The following EFCAB6 variants were observed in gnomAD, a reference collection of about 807,000 sequenced individuals.
EFCAB6 encodes the protein EF-hand calcium-binding domain-containing protein 6.
EFCAB6 carries 156 observed loss-of-function variants against 169.8 expected under a neutral mutation model. The ratio of observed to expected loss-of-function variants is 0.92; its 90% CI spans 0.81 to 1.05. The LOEUF (loss-of-function observed/expected upper bound fraction) is 1.05, where lower values mean the gene tolerates loss of function less well. Ranked by LOEUF, EFCAB6 falls within the 50% of genes least tolerant of loss-of-function variation. The pLI, the probability that EFCAB6 is intolerant of heterozygous loss-of-function variation, is 0.00. For synonymous variants in EFCAB6, 698 were observed against 676.4 expected (o/e 1.03, Z -0.50); for missense variants, 1,800 against 1,829.1 (o/e 0.98, Z 0.29).
intron 13 of EFCAB6, among the ~76,000 whole-genome samples, chr22:43,673,984 G>C (rs1260691861): frequency 6.8e-6 from 1 of 146,708 alleles, no homozygotes; most frequent in Admixed American, 6.8e-5. Context: ...AAAAAAAAAA[G>C]TCATTGTATG....
At chr22:43,637,136 C>A (rs1279941192) in intron 17 of EFCAB6, among the ~76,000 whole-genome samples, 1 of 152,204 alleles carries the variant, frequency 6.6e-6, no homozygotes, top group East Asian at 1.9e-4. Context: ...CTCTAAGGAG[C>A]TGCCCTGAGC....
chr22:43,537,753 A>G lies in EFCAB6; in HGVS notation c.3880-208T>C, dbSNP rs2047465059. Reference sequence around the variant, plus strand: ...CTATATGTACTTATGCCAAGCCATAATAACCAAAATAATTTTGGAAATAGC... The same window carrying G: ...CTATATGTACTTATGCCAAGCCATAGTAACCAAAATAATTTTGGAAATAGC... On this transcript the variant is annotated intron_variant, in intron 28 of 31. Transcript: ENST00000262726. The surrounding 1 kb of genome is among the most constrained non-coding windows in gnomAD (Gnocchi z 4.3). Among the ~76,000 whole-genome samples the G allele has an allele frequency of 6.6e-6, 1 of 152,206 alleles. No individual in the cohort carries two copies. The highest frequency in any genetic ancestry group is 1.5e-5 in the Non-Finnish European group (1 of 68,032).
chr22:43,784,600 CACATATATATGTGTATATAT>C (rs2061978710), intron 2 of EFCAB6, among the ~76,000 whole-genome samples: 1 of 78,746 alleles, frequency 1.3e-5, no homozygotes, highest in African/African-American at 5.4e-5. Context: ...TGTATATATA[CACATATATATGTGTATATAT>C]ACACATATAT....
chr22:43,798,894 CATGTGCACTCTTG>C (rs1212075620), intron 2 of EFCAB6, among the ~76,000 whole-genome samples: 1 of 152,208 alleles, frequency 6.6e-6, no homozygotes, highest in Non-Finnish European at 1.5e-5. Flanking sequence ...CTGTCCAGTT[CATGTGCACTCTTG>C]AGATTACAGA....
intron 3 of EFCAB6, among the ~76,000 whole-genome samples, chr22:43,775,654 G>A (rs572026029): frequency 2.6e-5 from 4 of 152,318 alleles, no homozygotes; most frequent in East Asian, 3.9e-4. Context: ...ATGCTGGCCA[G>A]GCTGGTCTCG....
chr22:43,647,046 G>T (rs183101587), intron 17 of EFCAB6, among the ~76,000 whole-genome samples: 3 of 152,170 alleles, frequency 2.0e-5, no homozygotes, highest in East Asian at 1.9e-4. Flanking sequence ...TGTTGTTAGT[G>T]GGGGAGGCTG....
At chr22:43,603,719 G>A (rs533350857) in intron 22 of EFCAB6, among the ~76,000 whole-genome samples, 216 of 152,388 alleles carry the variant, frequency 1.4e-3, no homozygotes, top group African/African-American at 5.0e-3. Flanking sequence ...AGGCCAGGCA[G>A]CAGAGGCAGA....
intron 5 of EFCAB6, among the ~76,000 whole-genome samples, chr22:43,763,510 C>T (rs1429537907): frequency 6.6e-6 from 1 of 152,188 alleles, no homozygotes; most frequent in East Asian, 1.9e-4. Flanking sequence ...ATCTCCCCCT[C>T]CCCACGACAC....
chr22:43,571,998 G>T (rs1363693728), intron 26 of EFCAB6, among the ~76,000 whole-genome samples: 1 of 152,146 alleles, frequency 6.6e-6, no homozygotes, highest in Non-Finnish European at 1.5e-5. Flanking sequence ...CAATTTAGGG[G>T]GTTGATCCCA....
At chr22:43,591,111 GTTTTTTTTTTTTGTT>G (rs2051496300) in intron 23 of EFCAB6, among the ~76,000 whole-genome samples, 1 of 131,092 alleles carries the variant, frequency 7.6e-6, no homozygotes, top group African/African-American at 2.7e-5. Flanking sequence ...TTTGTTTTTT[GTTTTTTTTTTTTGTT>G]TTTTTTTTGT....
At chr22:43,599,558 G>A in intron 23 of EFCAB6, among the ~76,000 whole-genome samples, 1 of 128,952 alleles carries the variant, frequency 7.8e-6, no homozygotes. Flanking sequence ...AAGACACACT[G>A]CAGGTCACAC....
In EFCAB6 at chr22:43,580,665, C is replaced by T; in HGVS notation, c.3033-6G>A. 1 of 1,613,024 alleles carries T rather than the reference C, an allele frequency of 6.2e-7. No homozygotes were observed. Among genetic ancestry groups the T allele is most frequent in the Non-Finnish European group, 8.5e-7 (1 of 1,179,698 alleles). On this transcript the variant is annotated splice_polypyrimidine_tract_variant and splice_region_variant and intron_variant, in intron 24 of 31. Coordinates refer to ENST00000262726, the MANE Select transcript of EFCAB6 (RefSeq NM_022785.4). ...CATGCCGGCTGACTCCCCAACTTGT[C>T]CCAAAAGGAAGAAAAGAACATATTC... is the stretch of plus-strand genomic sequence containing the variant.
chr22:43,772,470 C>A (rs1186955422), intron 4 of EFCAB6, among the ~76,000 whole-genome samples: 1 of 151,976 alleles, frequency 6.6e-6, no homozygotes, highest in East Asian at 1.9e-4. Flanking sequence ...GAAACCCCAT[C>A]TCTACTAAAA....
At chr22:43,680,994 A>C (rs2057984633) in intron 12 of EFCAB6, among the ~76,000 whole-genome samples, 1 of 152,096 alleles carries the variant, frequency 6.6e-6, no homozygotes, top group Non-Finnish European at 1.5e-5. Flanking sequence ...ACTCTAGCAC[A>C]GTGTTGACTA....
At chr22:43,625,531 A>C (rs986035067) in intron 20 of EFCAB6, among the ~76,000 whole-genome samples, 18 of 152,170 alleles carry the variant, frequency 1.2e-4, no homozygotes, top group Admixed American at 3.3e-4. Context: ...TGGTAGCCCC[A>C]TTGTGCCTTC....
rs143627343 is a variant in EFCAB6 at position 43,580,579 on chromosome 22, G to A, written c.3113C>T (p.Ala1038Val). Residue 1038 changes from alanine to valine, a missense_variant, in exon 25 of 32, where the codon GCT (alanine) becomes GTT (valine). By Grantham distance (64) the Ala-to-Val change is moderately conservative. Transcript: ENST00000262726. ...GCTCTCTTCTTTTTCCTTGGGCTGA[G>A]CTCCTGTTGACTTGCTGTTCTCCAC... The part of the protein sequence containing the change: ...RAVENSKSTG[A>V]QPKEKEESMP... 43 of 1,614,050 alleles carry A rather than the reference G, an allele frequency of 2.7e-5. No homozygotes were observed. The African/African-American group carries it at 5.5e-4, about 21-fold the overall frequency.
rs1207654452 is a variant in EFCAB6 at position 43,782,244 on chromosome 22, G to A, written c.75C>T (p.Pro25=). The A allele has an allele frequency of 6.2e-7, 1 of 1,613,962 alleles. No homozygotes were observed. The highest frequency in any genetic ancestry group is 1.7e-5 in the Admixed American group (1 of 60,020). The change falls in exon 3 of 32, where the codon CCC becomes CCT. Residue 25 remains proline, a synonymous_variant. Coordinates refer to ENST00000262726, the MANE Select transcript of EFCAB6 (RefSeq NM_022785.4). The part of the protein sequence containing the change: ...PHTRKFTHSR[P]HSSPCRVYSR... ...AATATACTCTACACGGTGAAGAATG[G>A]GGTCTTGAATGTGTAAATTTTCGTG... is the stretch of plus-strand genomic sequence containing the variant.
At chr22:43,738,519 TCA>T (rs2060251957) in intron 6 of EFCAB6, among the ~76,000 whole-genome samples, 4 of 146,934 alleles carry the variant, frequency 2.7e-5, no homozygotes, top group Admixed American at 2.0e-4. Context: ...ACACCATATC[TCA>T]CACATATATT....
chr22:43,754,124 G>T (rs2060870765), intron 6 of EFCAB6, among the ~76,000 whole-genome samples: 1 of 152,202 alleles, frequency 6.6e-6, no homozygotes, highest in Non-Finnish European at 1.5e-5. Flanking sequence ...AAAGGAATGA[G>T]ATTCATTTGT....
Sources: gnomAD v4.1 joint callset for allele counts (sites outside exome capture counted in the v4.1 genomes callset) on GRCh38, gnomAD v4.1.1 for gene constraint, Gnocchi (gnomAD v3.1) non-coding constraint, MANE v1.5 for transcripts, NCBI Gene and HGNC (gene_info 2026-07-23, HGNC 2026-07-21) for gene names.